Variants in CNTN5 observed in about 807,000 individuals in gnomAD.
CNTN5 encodes the protein contactin 5, also known as contactin-5.
In CNTN5, 77 loss-of-function variants were observed where a neutral mutation model predicts 129.1. The ratio of observed to expected loss-of-function variants is 0.60; its 90% CI spans 0.50 to 0.72. The LOEUF is 0.72. Ranked by LOEUF, CNTN5 falls within the 30% of genes least tolerant of loss-of-function variation. The pLI is 0.00. For synonymous variants in CNTN5, 509 were observed against 465.6 expected (o/e 1.09, Z -1.20); for missense variants, 1,478 against 1,328.8 (o/e 1.11, Z -1.75).
intron 2 of CNTN5, among the ~76,000 whole-genome samples, chr11:99,524,038 A>T (rs189955460): frequency 2.2e-4 from 33 of 152,344 alleles, no homozygotes; most frequent in Non-Finnish European, 3.5e-4. Context: ...GGGAGAAATG[A>T]CAAGAAATTT....
At chr11:99,638,200 C>T (rs1300790219) in intron 3 of CNTN5, among the ~76,000 whole-genome samples, 5 of 152,022 alleles carry the variant, frequency 3.3e-5, no homozygotes, top group African/African-American at 1.2e-4. Context: ...GAAGCAAAAG[C>T]AGAAATCCCT....
At chr11:99,733,759 C>A (rs1442477218) in intron 3 of CNTN5, among the ~76,000 whole-genome samples, 2 of 152,144 alleles carry the variant, frequency 1.3e-5, no homozygotes, top group Non-Finnish European at 2.9e-5. Context: ...TAAGTGCTTA[C>A]AAATTCTGGT....
chr11:99,772,628 T>C (rs1235547160), intron 3 of CNTN5, among the ~76,000 whole-genome samples: 1 of 152,154 alleles, frequency 6.6e-6, no homozygotes, highest in African/African-American at 2.4e-5. Flanking sequence ...CAAGATACTT[T>C]TGAAGGTGAA....
chr11:99,412,530 G>C (rs973006357), intron 2 of CNTN5, among the ~76,000 whole-genome samples: 1 of 151,960 alleles, frequency 6.6e-6, no homozygotes, highest in African/African-American at 2.4e-5. Flanking sequence ...CGTCATCATT[G>C]GACATGTTAT....
chr11:100,181,292 GA>G (rs34501902), intron 13 of CNTN5, among the ~76,000 whole-genome samples: 29,804 of 151,620 alleles, frequency 0.2, 3,029 homozygotes, highest in Non-Finnish European at 0.21. Context: ...TAAACTGATT[GA>G]AAAAAACCAA....
intron 9 of CNTN5, among the ~76,000 whole-genome samples, chr11:100,008,358 C>T (rs1940320181): frequency 6.6e-6 from 1 of 152,052 alleles, no homozygotes; most frequent in Non-Finnish European, 1.5e-5. Context: ...TAATGTGTGC[C>T]AGTACCTTCT....
chr11:99,690,337 T>C (rs1345469551), intron 3 of CNTN5, among the ~76,000 whole-genome samples: 3 of 152,194 alleles, frequency 2.0e-5, no homozygotes, highest in East Asian at 1.9e-4. Flanking sequence ...TGTAGTCTTA[T>C]AGTATAGTTT....
intron 13 of CNTN5, among the ~76,000 whole-genome samples, chr11:100,119,481 A>T (rs1945945172): frequency 6.6e-6 from 1 of 151,936 alleles, no homozygotes; most frequent in African/African-American, 2.4e-5. Context: ...GCTGTCCAAG[A>T]TTAATTACTC....
intron 4 of CNTN5, among the ~76,000 whole-genome samples, chr11:99,825,830 T>C (rs987146620): frequency 4.6e-5 from 7 of 152,144 alleles, no homozygotes; most frequent in African/African-American, 1.2e-4. Context: ...ACCTTTACTA[T>C]GTACTTTCTA....
At chr11:99,552,207 G>GTTTTTTTTTTTTTTTTTTTT (rs758718492) in intron 2 of CNTN5, among the ~76,000 whole-genome samples, 1 of 146,704 alleles carries the variant, frequency 6.8e-6, no homozygotes, top group African/African-American at 2.5e-5. Flanking sequence ...CACCTGGTCA[G>GTTTTTTTTTTTTTTTTTTTT]TTTTTGTGTT....
At chr11:100,208,572 G>A (rs374252977) in intron 15 of CNTN5, among the ~76,000 whole-genome samples, 1 of 152,098 alleles carries the variant, frequency 6.6e-6, no homozygotes, top group Non-Finnish European at 1.5e-5. Context: ...CAAGCCATAA[G>A]GCCATACCAG....
chr11:99,824,965 A>G (rs1426834666), intron 4 of CNTN5, among the ~76,000 whole-genome samples: 1 of 152,016 alleles, frequency 6.6e-6, no homozygotes, highest in Non-Finnish European at 1.5e-5. Flanking sequence ...CCTCGAAAAT[A>G]ATAATATAGT....
intron 3 of CNTN5, among the ~76,000 whole-genome samples, chr11:99,799,332 T>C (rs1040862060): frequency 3.3e-5 from 5 of 151,702 alleles, no homozygotes; most frequent in Non-Finnish European, 7.4e-5. Context: ...ATCTCAGTTC[T>C]CAAGGGGAAT....
intron 3 of CNTN5, among the ~76,000 whole-genome samples, chr11:99,557,539 A>C (rs1392340165): frequency 6.6e-6 from 1 of 151,578 alleles, no homozygotes; most frequent in African/African-American, 2.4e-5. Flanking sequence ...CTAAAGAAAA[A>C]AGGACTGATA....
chr11:99,658,689 T>A (rs7935960), intron 3 of CNTN5, among the ~76,000 whole-genome samples: 34,081 of 142,272 alleles, frequency 0.24, 4,222 homozygotes, highest in South Asian at 0.37. Context: ...CTGACAAACA[T>A]AGTGAAATTC....
chr11:99,328,619 C>G (rs1865877530), intron 2 of CNTN5, among the ~76,000 whole-genome samples: 1 of 151,448 alleles, frequency 6.6e-6, no homozygotes, highest in South Asian at 2.1e-4. Flanking sequence ...ACCTGTAATC[C>G]CAGCCCTTTG....
chr11:99,662,129 C>T (rs1053394209), intron 3 of CNTN5, among the ~76,000 whole-genome samples: 6 of 152,024 alleles, frequency 3.9e-5, no homozygotes, highest in Admixed American at 2.6e-4. Flanking sequence ...TTTCTACTAA[C>T]GGGGTTTGCC....
In CNTN5 at chr11:99,106,726, AG is replaced by A. The variant is rs554013536; in HGVS notation, c.-210+85457del. Among the ~76,000 whole-genome samples the A allele has an allele frequency of 5.3e-5, 8 of 152,198 alleles. No homozygotes were observed. The South Asian group carries it at 1.2e-3, about 24-fold the overall frequency. The stretch of plus-strand genomic sequence containing the variant: ...CACTGTAATGTCTTATATTGTTGAA[AG>A]CAACTAATATCAGTATTACTAGAGA... On this transcript the variant is annotated intron_variant, in intron 1 of 24. Coordinates refer to ENST00000524871, the MANE Select transcript of CNTN5 (RefSeq NM_014361.4).
chr11:99,347,211 T>C (rs1406393725), intron 2 of CNTN5, among the ~76,000 whole-genome samples: 1 of 152,220 alleles, frequency 6.6e-6, no homozygotes, highest in African/African-American at 2.4e-5. Flanking sequence ...CATGTCTTTA[T>C]GCTACTGAAA....
Sources: allele counts gnomAD v4.1 joint callset (sites outside exome capture counted in the v4.1 genomes callset), GRCh38; gene constraint gnomAD v4.1.1; transcripts MANE v1.5; gene names NCBI Gene and HGNC (gene_info 2026-07-23, HGNC 2026-07-21).